The following BCOR variants were observed in gnomAD, a reference collection of about 807,000 sequenced individuals.
BCOR encodes the protein BCL6 corepressor.
In BCOR, 10 loss-of-function variants were observed where a neutral mutation model predicts 86.7. That is an observed-to-expected ratio of 0.12 (90% CI 0.07 to 0.20). The LOEUF (loss-of-function observed/expected upper bound fraction) is 0.20. Among genes scored for constraint, BCOR ranks in the 10% least tolerant of loss-of-function variants. BCOR has a pLI of 1.00. For synonymous variants in BCOR, 611 were observed against 609.0 expected, an observed-to-expected ratio of 1.00 and a Z score of -0.05; for missense variants, 1,259 against 1,452.1, an observed-to-expected ratio of 0.87 and a Z score of 2.16.
chrX:40,129,665 A>C lies in BCOR; in HGVS notation c.-41+47342T>G, dbSNP rs751422752. ...AGGGAGGGAGGAGCTGCGGGGCCTT[A>C]GGGAGGTGGGGGTTGGGGTATGGGC... On this transcript the variant is annotated intron_variant, in intron 1 of 14. Coordinates refer to the BCOR transcript ENST00000342274. Among the ~76,000 whole-genome samples the C allele has an allele frequency of 3.7e-5, 4 of 106,846 alleles. No homozygotes were observed. The East Asian group carries it at 1.2e-3, about 33-fold the overall frequency. The allele number at this position is 106,846 out of a possible 115,157, so 92.8% of individuals were successfully genotyped here. A position where few individuals can be genotyped will look rare whatever the true frequency, so the allele number is the denominator to read the frequency against.
chrX:40,109,373 G>A (rs1196907327), intron 1 of BCOR, among the ~76,000 whole-genome samples: 1 of 111,489 alleles, frequency 9.0e-6, no homozygotes, highest in South Asian at 3.7e-4. Context: ...CTCTGCAAGC[G>A]GAGTCTTGCT....
At chrX:40,068,214 C>T (rs1303737359) in intron 6 of BCOR, 1 of 112,251 alleles carries the variant, frequency 8.9e-6, no homozygotes, top group Non-Finnish European at 1.9e-5. Flanking sequence ...AGCAACCTCA[C>T]CACTGTTATA....
chrX:40,066,852 G>A (rs1215481006), intron 6 of BCOR, among the ~76,000 whole-genome samples: 2 of 108,854 alleles, frequency 1.8e-5, no homozygotes, highest in East Asian at 2.9e-4. Context: ...TCAAAATGAG[G>A]CAGCAGCTTA....
At chrX:40,123,235 C>G (rs935284579) in intron 1 of BCOR, among the ~76,000 whole-genome samples, 3 of 111,361 alleles carry the variant, frequency 2.7e-5, no homozygotes, top group Admixed American at 9.6e-5. Flanking sequence ...TGCCATCAAG[C>G]TCTGTGTGCA....
rs751553682 is a variant in BCOR at position 40,074,329 on chromosome X, C to T, written c.1017G>A (p.Pro339=). Residue 339 remains proline, a synonymous_variant, in exon 4 of 15, where the codon CCG becomes CCA. Coordinates refer to ENST00000378444, the MANE Select transcript of BCOR (RefSeq NM_001123385.2). ...TALLLPPSPR[P]SPRVHLPTQP... ...GGGTGGGAAGGTGGACTCGGGGTGA[C>T]GGCCGAGGCGAGGGGGGCAACAGGA... 30 of 1,210,337 alleles carry T rather than the reference C, an allele frequency of 2.5e-5. No homozygotes were observed. The Admixed American group carries it at 2.8e-4, about 11-fold the overall frequency.
rs767605588 is a variant in BCOR at position 40,057,087 on chromosome X, C to A, written c.4595+68G>T. 5 of 1,140,874 alleles carry A rather than the reference C, an allele frequency of 4.4e-6. No individual in the cohort carries two copies. The African/African-American group carries it at 9.0e-5, about 20-fold the overall frequency. 94.0% of individuals were successfully genotyped at this position (1,140,874 alleles called of 1,213,427 possible). ...TGGAATTTCCCGTATACACTGAGAACCACCACCGCACAGATAGGGAAGCTT... is the reference window on the plus strand; with the variant it reads ...TGGAATTTCCCGTATACACTGAGAAACACCACCGCACAGATAGGGAAGCTT... On this transcript the variant is annotated intron_variant, in intron 11 of 14. Transcript: ENST00000378444.
At chrX:40,150,851 CCAT>C (rs1277359333) in intron 1 of BCOR, among the ~76,000 whole-genome samples, 1 of 112,589 alleles carries the variant, frequency 8.9e-6, no homozygotes, top group African/African-American at 3.2e-5. Context: ...AACTGCTCTG[CCAT>C]CATCAACAAT....
At chrX:40,099,550 A>T (rs1481714950), upstream of BCOR, among the ~76,000 whole-genome samples, 3 of 112,305 alleles carry the variant, frequency 2.7e-5, no homozygotes, top group Non-Finnish European at 5.6e-5. Flanking sequence ...GAAAGTTTTT[A>T]AAATATCCTG....
intron 11 of BCOR, among the ~76,000 whole-genome samples, chrX:40,056,199 T>C (rs1424907715): frequency 1.1e-4 from 12 of 104,416 alleles, no homozygotes; most frequent in African/African-American, 3.9e-4. Flanking sequence ...TAAGTAGTCA[T>C]GGACCATATG....
At chrX:40,149,143 CG>C (rs1013015939) in intron 1 of BCOR, among the ~76,000 whole-genome samples, 3 of 108,707 alleles carry the variant, frequency 2.8e-5, no homozygotes, top group African/African-American at 6.7e-5. Context: ...TCAGAGATCT[CG>C]TATCCTCTGC....
At chrX:40,107,714 C>T (rs1015917731) in intron 1 of BCOR, among the ~76,000 whole-genome samples, 1 of 113,157 alleles carries the variant, frequency 8.8e-6, no homozygotes, top group African/African-American at 3.2e-5. Context: ...CCAGTGCCAG[C>T]CCCGCTGCGC....
chrX:40,171,500 G>C (rs905961923), intron 1 of BCOR, among the ~76,000 whole-genome samples: 4 of 111,739 alleles, frequency 3.6e-5, no homozygotes, highest in East Asian at 2.8e-4. Context: ...TCCCCATGGG[G>C]GGGGGGCGTA....
intron 1 of BCOR, among the ~76,000 whole-genome samples, chrX:40,082,423 G>A (rs1328028009): frequency 8.1e-5 from 9 of 111,768 alleles, no homozygotes; most frequent in Admixed American, 2.8e-4. Flanking sequence ...CCATCTCGGG[G>A]TCTTTTCTTG....
At chrX:40,168,930 G>C (rs1035203683) in intron 1 of BCOR, among the ~76,000 whole-genome samples, 1 of 111,890 alleles carries the variant, frequency 8.9e-6, no homozygotes. Context: ...CCGCCCGCCC[G>C]CCCTGGCCGG....
intron 1 of BCOR, among the ~76,000 whole-genome samples, chrX:40,139,497 A>T (rs769036800): frequency 0.41 from 2,297 of 5,639 alleles, 492 homozygotes; most frequent in African/African-American, 0.54. Context: ...ATATATATAT[A>T]TTTTTTTTTT....
At chrX:40,126,720 T>A (rs1341356970) in intron 1 of BCOR, among the ~76,000 whole-genome samples, 1 of 109,712 alleles carries the variant, frequency 9.1e-6, no homozygotes, top group Non-Finnish European at 1.9e-5. Flanking sequence ...CCGGGTATGG[T>A]GGCGTGCGCC....
At chrX:40,133,122 CTTT>C (rs1192543507) in intron 1 of BCOR, among the ~76,000 whole-genome samples, 1 of 109,409 alleles carries the variant, frequency 9.1e-6, no homozygotes, top group Admixed American at 9.7e-5. Flanking sequence ...GCTTCAATTT[CTTT>C]TTTTTCTTTT....
intron 1 of BCOR, among the ~76,000 whole-genome samples, chrX:40,164,482 C>T (rs762246651): frequency 3.6e-5 from 4 of 112,282 alleles, no homozygotes; most frequent in Admixed American, 9.4e-5. Flanking sequence ...CCTTTGATAA[C>T]GCAGTGTCTT....
In BCOR at chrX:40,160,993, T is replaced by A. The variant is rs779770622; in HGVS notation, c.-41+16014A>T. On this transcript the variant is annotated intron_variant, in intron 1 of 14. Coordinates refer to the BCOR transcript ENST00000342274. ...CTCGGCCTTTTTTATTTTTTTTTTT[T>A]AATTTTTATTTATTTACATATTTTT... Among the ~76,000 whole-genome samples the A allele has an allele frequency of 9.5e-5, 10 of 105,417 alleles. No individual in the cohort carries two copies. The South Asian group carries it at 1.7e-3, about 18-fold the overall frequency. 91.5% of individuals were successfully genotyped at this position (105,417 alleles called of 115,157 possible). A position where few individuals can be genotyped will look rare whatever the true frequency, so the allele number is the denominator to read the frequency against.
Sources: allele counts gnomAD v4.1 joint callset (sites outside exome capture counted in the v4.1 genomes callset), GRCh38; gene constraint gnomAD v4.1.1; transcripts MANE v1.5; gene names NCBI Gene and HGNC (gene_info 2026-07-23, HGNC 2026-07-21).